GDPD5: variants seen among roughly 807,000 people sequenced by gnomAD.
The protein encoded by GDPD5 is glycerophosphodiester phosphodiesterase 2.
Under a neutral mutation model 75.1 loss-of-function variants are expected in GDPD5, and 48 were observed. The observed-to-expected ratio is 0.64, with a 90% CI of 0.51 to 0.81. GDPD5 has a LOEUF of 0.81. Ranked by LOEUF, GDPD5 falls within the 40% of genes least tolerant of loss-of-function variation. The pLI is 0.00. For missense variants in GDPD5, 706 were observed against 822.6 expected (o/e 0.86, Z 1.73); for synonymous variants, 336 against 339.0 (o/e 0.99, Z 0.10).
At chr11:75,514,473 G>A (rs1162935695) in intron 1 of GDPD5, among the ~76,000 whole-genome samples, 1 of 152,254 alleles carries the variant, frequency 6.6e-6, no homozygotes. Context: ...CCCAGCCCAG[G>A]GCTCTCTGCA....
intron 10 of GDPD5, among the ~76,000 whole-genome samples, chr11:75,443,814 T>C (rs544731398): frequency 6.6e-6 from 1 of 152,362 alleles, no homozygotes; most frequent in South Asian, 2.1e-4. Context: ...AAAAGGTACC[T>C]GTGCCCTCTG....
chr11:75,456,136 C>T (rs890016624), intron 6 of GDPD5, among the ~76,000 whole-genome samples: 5 of 152,028 alleles, frequency 3.3e-5, no homozygotes, highest in African/African-American at 9.7e-5. Context: ...AAGTGCTAAA[C>T]GGGGGAAGGA....
In GDPD5 at chr11:75,437,024, G is replaced by A. The variant is rs1234388679; in HGVS notation, c.1581C>T (p.Ser527=). 2 of 1,613,226 alleles carry A rather than the reference G, an allele frequency of 1.2e-6. No individual in the cohort carries two copies. Among genetic ancestry groups the A allele is most frequent in the African/African-American group, 2.7e-5 (2 of 74,914 alleles). ...TCAGCATGATCTGCTCAGGGTTGTA[G>A]CTCCGTATGCCACCCAGGCGCCACC... ...LQKWRLGGIR[S]YNPEQIMLSA... Residue 527 remains serine (S), a synonymous_variant, in exon 16 of 17, where the codon AGC becomes AGT. Transcript: ENST00000336898.
chr11:75,457,514 A>G (rs1949309366), intron 5 of GDPD5, among the ~76,000 whole-genome samples, 179 bp downstream of exon 5: 1 of 152,246 alleles, frequency 6.6e-6, no homozygotes, highest in Admixed American at 6.5e-5. Flanking sequence ...TGAAAATGTT[A>G]TACATATCTT....
intron 3 of GDPD5, among the ~76,000 whole-genome samples, chr11:75,473,991 C>T (rs1308426366): frequency 6.6e-6 from 1 of 152,248 alleles, no homozygotes; most frequent in East Asian, 1.9e-4. Context: ...ACTTATGACC[C>T]CAGAGCAGGT....
At chr11:75,487,054 G>A (rs541577297) in intron 2 of GDPD5, among the ~76,000 whole-genome samples, 1 of 152,290 alleles carries the variant, frequency 6.6e-6, no homozygotes, top group African/African-American at 2.4e-5. Context: ...GGCTGCAGGT[G>A]GGGGAGACAG....
At chr11:75,458,048 G>A (rs187463777) in intron 4 of GDPD5, among the ~76,000 whole-genome samples, 1 of 152,320 alleles carries the variant, frequency 6.6e-6, no homozygotes, top group African/African-American at 2.4e-5. Context: ...GGCTGTGCTG[G>A]ATCTTCCTCC....
intron 3 of GDPD5, 148 bp from the exon 4 acceptor site, chr11:75,463,037 G>C: frequency 1.5e-6 from 1 of 646,482 alleles, no homozygotes; most frequent in East Asian, 2.8e-5. Context: ...GAGAAACTGA[G>C]GTTCAGAGAG....
At chr11:75,501,907 G>T (rs1950311118) in intron 1 of GDPD5, among the ~76,000 whole-genome samples, 1 of 152,112 alleles carries the variant, frequency 6.6e-6, no homozygotes, top group Admixed American at 6.5e-5. Context: ...GTAGGTATGT[G>T]TATCACATTC....
At chr11:75,472,983 T>C (rs749696041) in intron 3 of GDPD5, among the ~76,000 whole-genome samples, 6 of 151,046 alleles carry the variant, frequency 4.0e-5, no homozygotes, top group Admixed American at 6.6e-5. Flanking sequence ...TTGCAATGAG[T>C]CTTAAGGGGC....
At chr11:75,441,405 C>G in intron 13 of GDPD5, 95 bp from the exon 14 acceptor site, 1 of 1,475,692 alleles carries the variant, frequency 6.8e-7, no homozygotes, top group Non-Finnish European at 9.3e-7. Flanking sequence ...CACGACCTCA[C>G]AGCCATGCCC....
intron 9 of GDPD5, among the ~76,000 whole-genome samples, chr11:75,446,977 G>A (rs912793009): frequency 2.6e-5 from 4 of 151,898 alleles, no homozygotes; most frequent in African/African-American, 7.3e-5. Flanking sequence ...TCCGCCTCCC[G>A]GATTCAAGCA....
intron 2 of GDPD5, among the ~76,000 whole-genome samples, chr11:75,478,949 A>T (rs550274506): frequency 6.6e-6 from 1 of 152,188 alleles, no homozygotes; most frequent in Admixed American, 6.5e-5. Context: ...TAGTGCCCCA[A>T]AGTATTCATT....
chr11:75,498,814 G>A (rs917114376), intron 1 of GDPD5, among the ~76,000 whole-genome samples: 2 of 151,910 alleles, frequency 1.3e-5, no homozygotes, highest in African/African-American at 2.4e-5. Flanking sequence ...ACTTGCTGGT[G>A]CCAGGTCCTG....
At chr11:75,466,950 C>T (rs1487078133) in intron 3 of GDPD5, among the ~76,000 whole-genome samples, 2 of 152,130 alleles carry the variant, frequency 1.3e-5, no homozygotes, top group Non-Finnish European at 2.9e-5. Context: ...CAAAACCCAC[C>T]TTGCCCTCTG....
intron 2 of GDPD5, chr11:75,485,714 G>C (rs948343757): frequency 6.6e-6 from 1 of 152,248 alleles, no homozygotes; most frequent in Non-Finnish European, 1.5e-5. Flanking sequence ...CACCTTCCAC[G>C]TCAATGCCAG....
chr11:75,444,305 C>T lies in GDPD5; in HGVS notation c.797+108G>A. The T allele has an allele frequency of 3.8e-6, 3 of 789,370 alleles. No individual in the cohort carries two copies. In the South Asian group the frequency reaches 4.3e-5, roughly 11 times the overall value. The allele number at this position is 789,370 out of a possible 1,614,324, so 48.9% of individuals were successfully genotyped here. A position where few individuals can be genotyped will look rare whatever the true frequency, so the allele number is the denominator to read the frequency against. ...GCTGTGGATAATCTAAGTCTTCCTC[C>T]TCCCATCTCAGAGGCTCTGAGACCA... On this transcript the variant is annotated intron_variant, in intron 10 of 16. Transcript: ENST00000336898.
At chr11:75,497,631 G>C (rs1439480112) in intron 1 of GDPD5, among the ~76,000 whole-genome samples, 2 of 152,194 alleles carry the variant, frequency 1.3e-5, no homozygotes, top group African/African-American at 4.8e-5. Context: ...ACTTATCTGA[G>C]CACAGAATCC....
chr11:75,458,133 C>A (rs535694480), intron 4 of GDPD5, among the ~76,000 whole-genome samples: 7 of 152,208 alleles, frequency 4.6e-5, no homozygotes, highest in African/African-American at 7.2e-5. Flanking sequence ...CAAAGCAACA[C>A]GGTCAGGAGC....
Sources: allele counts gnomAD v4.1 joint callset (sites outside exome capture counted in the v4.1 genomes callset), GRCh38; gene constraint gnomAD v4.1.1; transcripts MANE v1.5; gene names NCBI Gene and HGNC (gene_info 2026-07-23, HGNC 2026-07-21).